Variants in BRD8 observed in about 807,000 individuals in gnomAD.
BRD8 encodes the protein bromodomain containing 8, also known as bromodomain-containing protein 8.
In BRD8, 67 loss-of-function variants were observed where a neutral mutation model predicts 143.1. The observed-to-expected ratio is 0.47, with a 90% CI of 0.38 to 0.57. BRD8 has a LOEUF of 0.57. Ranked by LOEUF, BRD8 falls within the 20% of genes least tolerant of loss-of-function variation. The pLI is 0.00. For missense variants in BRD8, 1,103 were observed against 1,503.0 expected, an observed-to-expected ratio of 0.73 and a Z score of 4.40; for synonymous variants, 505 against 517.1, an observed-to-expected ratio of 0.98 and a Z score of 0.32.
intron 2 of BRD8, chr5:138,177,086 CAAAAA>C (rs36005969): frequency 3.3e-5 from 4 of 121,704 alleles, no homozygotes; most frequent in South Asian, 2.7e-4. Context: ...AATCTTGTCT[CAAAAA>C]AAAAAAAAAA....
intron 2 of BRD8, among the ~76,000 whole-genome samples, chr5:138,173,542 TACACAC>T (rs147012738): frequency 6.6e-6 from 1 of 150,852 alleles, no homozygotes; most frequent in Admixed American, 6.6e-5. Context: ...GTGATGTGTA[TACACAC>T]ACACACACAC....
At chr5:138,152,392 A>T in intron 21 of BRD8, 90 bp downstream of exon 21, 1 of 1,506,946 alleles carries the variant, frequency 6.6e-7, no homozygotes. Flanking sequence ...TTTAGTAAAC[A>T]ATATTAAGAG....
intron 23 of BRD8, 37 bp from the exon 24 acceptor site, chr5:138,145,915 T>G: frequency 6.5e-7 from 1 of 1,546,856 alleles, no homozygotes; most frequent in East Asian, 2.3e-5. Context: ...AGACAGTAAC[T>G]TCACAAATAA....
intron 25 of BRD8, among the ~76,000 whole-genome samples, chr5:138,141,268 T>C (rs1751895741): frequency 6.6e-6 from 1 of 152,172 alleles, no homozygotes; most frequent in Admixed American, 6.5e-5. Context: ...TAGCTGGGAT[T>C]ACAGGCGTGC....
At chr5:138,162,686 T>A (rs1015388583) in intron 15 of BRD8, among the ~76,000 whole-genome samples, 16 of 149,590 alleles carry the variant, frequency 1.1e-4, no homozygotes, top group African/African-American at 3.9e-4. Context: ...AAAATTTTTT[T>A]AAAATAAAAA....
At chr5:138,167,477 T>C (rs1024981827) in intron 9 of BRD8, among the ~76,000 whole-genome samples, 2 of 152,174 alleles carry the variant, frequency 1.3e-5, no homozygotes, top group Non-Finnish European at 2.9e-5. Flanking sequence ...CTTTATACTT[T>C]CTACCTCATT....
Position 138,149,747 on chromosome 5 carries a change from C to A in BRD8, c.3171G>T (p.Val1057=). The change falls in exon 23 of 27, where the codon GTG becomes GTT. Residue 1057 remains valine (V), a synonymous_variant. Coordinates refer to ENST00000254900, the MANE Select transcript of BRD8 (RefSeq NM_139199.2). ...AAGGGGGCTGGTCTTCCATCTCTGA[C>A]ACATATACTTCACCCTGGTCCTCCC... ...SKGEDQGEVY[V]SEMEDQPPSG... The A allele has an allele frequency of 6.2e-7, 1 of 1,613,604 alleles. No homozygotes were observed. Among genetic ancestry groups the A allele is most frequent in the Non-Finnish European group, 8.5e-7 (1 of 1,179,812 alleles).
At chr5:138,176,689 A>C (rs1310936019) in intron 2 of BRD8, among the ~76,000 whole-genome samples, 3 of 152,144 alleles carry the variant, frequency 2.0e-5, no homozygotes, top group Non-Finnish European at 2.9e-5. Flanking sequence ...AAATGTTCTA[A>C]AATTAGATTG....
Position 138,140,054 on chromosome 5 carries a change from G to T in BRD8, c.*20C>A, listed in dbSNP as rs1213516158. On this transcript the variant is annotated 3_prime_UTR_variant, in exon 27 of 27. Transcript: ENST00000254900. ...GGGAGAGATTCAAACTCTAGAAAAA[G>T]TCAGGATAGCAGCTCCAGGTTAGAA... 3 of 1,588,874 alleles carry T rather than the reference G, an allele frequency of 1.9e-6. No homozygotes were observed. Among genetic ancestry groups the T allele is most frequent in the Non-Finnish European group, 2.6e-6 (3 of 1,156,900 alleles).
At chr5:138,168,612 G>A (rs963259671) in intron 8 of BRD8, 33 of 1,606,000 alleles carry the variant, frequency 2.1e-5, no homozygotes, top group African/African-American at 2.7e-5. Flanking sequence ...TTCTAAGGGT[G>A]CAGAGCCTGG....
chr5:138,156,350 G>A (rs1202117589), intron 20 of BRD8, among the ~76,000 whole-genome samples: 1 of 151,982 alleles, frequency 6.6e-6, no homozygotes. Flanking sequence ...ATATTGGCCA[G>A]GCTGGTCTCG....
At position 138,163,118 on chromosome 5, in the gene BRD8, TCA is replaced by T; in HGVS notation, c.2087+10_2087+11del. ...CTGCCTTGGCCTCAAAGAAAGAATC[TCA>T]GATACTCACAACTGTGAAGAAGCAG... is the stretch of plus-strand genomic sequence containing the variant. On this transcript the variant is annotated intron_variant, in intron 15 of 26. Coordinates refer to ENST00000254900, the MANE Select transcript of BRD8 (RefSeq NM_139199.2). The T allele has an allele frequency of 6.2e-7, 1 of 1,612,546 alleles. No homozygotes were observed. Among genetic ancestry groups the T allele is most frequent in the Non-Finnish European group, 8.5e-7 (1 of 1,178,986 alleles).
At chr5:138,170,517 A>G (rs752503142) in intron 6 of BRD8, 108 bp from the exon 7 acceptor site, 16 of 1,176,112 alleles carry the variant, frequency 1.4e-5, no homozygotes, top group Non-Finnish European at 1.6e-5. Flanking sequence ...TTTCTGGAAG[A>G]AAGGCCTAAA....
chr5:138,169,158 C>T (rs556657811), intron 8 of BRD8, 64 bp downstream of exon 8: 11 of 1,557,444 alleles, frequency 7.1e-6, no homozygotes, highest in African/African-American at 5.5e-5. Context: ...GTTTCCTCAT[C>T]GCTCAGCTCT....
chr5:138,169,292 G>A lies in BRD8; in HGVS notation c.572C>T (p.Ser191Phe). 3 of 1,614,152 alleles carry A rather than the reference G, an allele frequency of 1.9e-6. No homozygotes were observed. The highest frequency in any genetic ancestry group is 2.5e-6 in the Non-Finnish European group (3 of 1,179,986). Residue 191 changes from serine (S) to phenylalanine (F), a missense_variant, in exon 8 of 27, where the codon TCT becomes TTT. Ser to Phe is a radical substitution (Grantham distance 155). Coordinates refer to ENST00000254900, the MANE Select transcript of BRD8 (RefSeq NM_139199.2). The part of the protein sequence containing the change: ...PTVMVRSPID[S>F]ASPGGDYPLG... Reference sequence around the variant, plus strand: ...TGGATAATCACCTCCTGGGGAGGCAGAATCTATAGGAGAGCGAACCATCAC... The same window carrying A: ...TGGATAATCACCTCCTGGGGAGGCAAAATCTATAGGAGAGCGAACCATCAC...
At chr5:138,159,441 G>C in intron 20 of BRD8, 114 bp downstream of exon 20, 3 of 1,091,494 alleles carry the variant, frequency 2.7e-6, no homozygotes, top group Non-Finnish European at 4.2e-6. Context: ...TGAATAAACA[G>C]AAGTTCAAGA....
intron 15 of BRD8, among the ~76,000 whole-genome samples, chr5:138,162,545 TAAAGA>T (rs1441996828): frequency 1.3e-5 from 2 of 151,980 alleles, no homozygotes; most frequent in African/African-American, 4.8e-5. Context: ...AGGGAAACAC[TAAAGA>T]AAAGATCAGG....
rs761550472 is a variant in BRD8, at chr5:138,166,014, G to A, written c.1092C>T (p.Ile364=). The change falls in exon 11 of 27, where the codon ATC becomes ATT. Residue 364 remains isoleucine, a synonymous_variant. Coordinates refer to ENST00000254900, the MANE Select transcript of BRD8 (RefSeq NM_139199.2). The part of the protein sequence containing the change: ...SMDSSEISMI[I]NSIKEECFRS... ...GAAAACACTCTTCTTTGATAGAATTGATGATCATGGATATTTCACTGCTGT... is the reference window on the plus strand; with the variant it reads ...GAAAACACTCTTCTTTGATAGAATTAATGATCATGGATATTTCACTGCTGT... 5.0e-6 allele frequency: 8 copies of A among 1,614,178 alleles called. No individual in the cohort carries two copies. In the East Asian group the frequency reaches 1.6e-4, roughly 31 times the overall value.
At chr5:138,164,498 C>T (rs188542421) in intron 12 of BRD8, 85 bp from the exon 13 acceptor site, 3 of 1,382,588 alleles carry the variant, frequency 2.2e-6, no homozygotes, top group East Asian at 4.6e-5. Context: ...ATAATGAGAC[C>T]ATAGAAGAAA....
Sources: gnomAD v4.1 joint callset for allele counts (sites outside exome capture counted in the v4.1 genomes callset) on GRCh38, gnomAD v4.1.1 for gene constraint, MANE v1.5 for transcripts, NCBI Gene and HGNC (gene_info 2026-07-23, HGNC 2026-07-21) for gene names.